Variants in BMPR2 observed in about 807,000 individuals in gnomAD.
The protein encoded by BMPR2 is bone morphogenetic protein receptor type-2.
Under a neutral mutation model 100.8 loss-of-function variants are expected in BMPR2, and 29 were observed. The observed-to-expected ratio is 0.29, with a 90% CI of 0.21 to 0.39. The LOEUF (loss-of-function observed/expected upper bound fraction) is 0.39, where lower values mean the gene tolerates loss of function less well. Among genes scored for constraint, BMPR2 ranks in the 10% least tolerant of loss-of-function variants. The probability of loss-of-function intolerance (pLI) is 1.00; values close to 1 mark genes in which losing one functional copy is unlikely to be tolerated. For synonymous variants in BMPR2, 382 were observed against 442.3 expected (o/e 0.86, Z 1.71); for missense variants, 1,011 against 1,274.5 (o/e 0.79, Z 3.15).
rs1035107077 is a variant in BMPR2, at chr2:202,495,376, CGTT to C, written c.419-18340_419-18338del. On this transcript the variant is annotated intron_variant, in intron 3 of 12. Coordinates refer to ENST00000374580, the MANE Select transcript of BMPR2 (RefSeq NM_001204.7). This position sits in a 1 kb window ranked among gnomAD's most constrained non-coding sequence, Gnocchi z 4.5. ...CGTCTGCCCCAGCCAAACTCCGCGT[CGTT>C]GTCGTTCTGTCGACGGCCTGCCGGC... Among the ~76,000 whole-genome samples, 1 of 152,212 alleles carries C rather than the reference CGTT, an allele frequency of 6.6e-6. No homozygotes were observed. The highest frequency in any genetic ancestry group is 6.5e-5 in the Admixed American group (1 of 15,282).
chr2:202,558,841 C>G (rs778386534), intron 12 of BMPR2, among the ~76,000 whole-genome samples: 7 of 144,198 alleles, frequency 4.9e-5, no homozygotes, highest in African/African-American at 1.8e-4. Flanking sequence ...TGCGGTGAGC[C>G]GAGATCATGT....
intron 1 of BMPR2, among the ~76,000 whole-genome samples, chr2:202,443,475 C>T (rs939982991): frequency 2.0e-5 from 3 of 150,484 alleles, no homozygotes; most frequent in African/African-American, 5.0e-5. Context: ...TATTCACCAA[C>T]ACTTACTTTC....
At chr2:202,492,468 C>T (rs180931952) in intron 3 of BMPR2, among the ~76,000 whole-genome samples, 2 of 151,988 alleles carry the variant, frequency 1.3e-5, no homozygotes, top group East Asian at 1.9e-4. Context: ...GGTAGGCCTA[C>T]GCAGGCAGAT....
chr2:202,390,583 C>T (rs1018924785), intron 1 of BMPR2, among the ~76,000 whole-genome samples: 18 of 152,128 alleles, frequency 1.2e-4, no homozygotes, highest in African/African-American at 2.4e-4. Flanking sequence ...ACACATGCCT[C>T]GGCCTCCCAA....
intron 10 of BMPR2, among the ~76,000 whole-genome samples, chr2:202,544,788 A>T (rs569352959): frequency 9.4e-4 from 106 of 112,896 alleles, no homozygotes; most frequent in Non-Finnish European, 1.5e-3. Context: ...TTTTTGAGAC[A>T]GGATCTTGCT....
intron 1 of BMPR2, among the ~76,000 whole-genome samples, chr2:202,399,619 T>G (rs976006846): frequency 1.3e-5 from 2 of 152,228 alleles, no homozygotes; most frequent in African/African-American, 4.8e-5. Context: ...CACTCTGGTT[T>G]ATCGGTAGAG....
At chr2:202,540,085 A>C (rs916398642) in intron 9 of BMPR2, among the ~76,000 whole-genome samples, 1 of 152,176 alleles carries the variant, frequency 6.6e-6, no homozygotes, top group African/African-American at 2.4e-5. Context: ...GTGAAGATTT[A>C]GTGGAAATTT....
In BMPR2 at chr2:202,519,048, C is replaced by G. The variant is rs1332769297; in HGVS notation, c.848C>G (p.Pro283Arg). ...TATTTGCTTGTGATGGAGTACTATC[C>G]CAATGTAAGTTCTTCATAGAAAATA... ...MEYLLVMEYY[P>R]NGSLCKYLSL... Residue 283 changes from proline (P) to arginine (R), a missense_variant, in exon 6 of 13, where the codon CCC (proline) becomes CGC (arginine). Around this residue, in one of 6 missense-constraint regions of BMPR2, gnomAD observed 355 missense variants for 455.3 expected, o/e 0.78. Transcript: ENST00000374580. 1 of 1,613,144 alleles carries G rather than the reference C, an allele frequency of 6.2e-7. No homozygotes were observed.
chr2:202,491,862 A>C (rs1256741165), intron 3 of BMPR2, among the ~76,000 whole-genome samples: 1 of 152,140 alleles, frequency 6.6e-6, no homozygotes, highest in Non-Finnish European at 1.5e-5. Flanking sequence ...TAAAAAATCA[A>C]ATGTATACAT....
chr2:202,440,136 T>C (rs1691702664), intron 1 of BMPR2, among the ~76,000 whole-genome samples: 1 of 150,740 alleles, frequency 6.6e-6, no homozygotes, highest in Non-Finnish European at 1.5e-5. Context: ...ACAGACACAG[T>C]AACAATCTGA....
intron 11 of BMPR2, 98 bp downstream of exon 11, chr2:202,552,986 C>A: frequency 1.5e-6 from 2 of 1,362,556 alleles, no homozygotes; most frequent in Non-Finnish European, 2.1e-6. Context: ...CCTAATAGTT[C>A]AATGATTACC....
At chr2:202,442,214 C>A (rs1344936423) in intron 1 of BMPR2, among the ~76,000 whole-genome samples, 1 of 150,134 alleles carries the variant, frequency 6.7e-6, no homozygotes, top group Non-Finnish European at 1.5e-5. Context: ...CTTCTATGGT[C>A]CCCCAGCAAG....
At chr2:202,485,545 CTTTTT>C (rs762096820) in intron 3 of BMPR2, among the ~76,000 whole-genome samples, 2 of 64,010 alleles carry the variant, frequency 3.1e-5, no homozygotes, top group Admixed American at 3.1e-4. Context: ...TTGCCTTTAT[CTTTTT>C]TTTTTTTTTT....
At chr2:202,470,916 G>A (rs1692425292) in intron 3 of BMPR2, among the ~76,000 whole-genome samples, 1 of 151,978 alleles carries the variant, frequency 6.6e-6, no homozygotes, top group Non-Finnish European at 1.5e-5. Context: ...TTAAAAAGTA[G>A]CCAGGTGTGG....
intron 9 of BMPR2, among the ~76,000 whole-genome samples, chr2:202,537,526 A>G (rs1218586882): frequency 6.6e-6 from 1 of 152,170 alleles, no homozygotes; most frequent in East Asian, 1.9e-4. Context: ...AAAGAAATGG[A>G]GAGTTACTGT....
At chr2:202,452,177 C>T (rs982634742) in intron 1 of BMPR2, among the ~76,000 whole-genome samples, 13 of 152,070 alleles carry the variant, frequency 8.5e-5, no homozygotes, top group African/African-American at 3.1e-4. Flanking sequence ...TGCCCCTTGC[C>T]CTTAGCACCA....
chr2:202,564,089 C>T lies in BMPR2; in HGVS notation c.*4143C>T, dbSNP rs1574511415. 4 of 152,112 alleles carry T rather than the reference C, an allele frequency of 2.6e-5. No homozygotes were observed. The South Asian group carries it at 6.2e-4, about 24-fold the overall frequency. 9.4% of individuals were successfully genotyped at this position (152,112 alleles called of 1,614,324 possible). ...TATTTTCAAATTTGACTTCTACAGCCAAGTGGAATTGGTAGGCTGTAGCTG... is the reference window on the plus strand; with the variant it reads ...TATTTTCAAATTTGACTTCTACAGCTAAGTGGAATTGGTAGGCTGTAGCTG... On this transcript the variant is annotated 3_prime_UTR_variant, in exon 13 of 13. Transcript: ENST00000374580.
chr2:202,539,665 G>C (rs950036040), intron 9 of BMPR2, among the ~76,000 whole-genome samples: 2 of 151,956 alleles, frequency 1.3e-5, no homozygotes, highest in African/African-American at 4.8e-5. Context: ...CAGAGGAAGA[G>C]TGAAATGCTA....
chr2:202,398,917 T>C (rs530456453), intron 1 of BMPR2, among the ~76,000 whole-genome samples: 1 of 151,968 alleles, frequency 6.6e-6, no homozygotes, highest in African/African-American at 2.4e-5. Context: ...TCACCTGAAG[T>C]TGGGAGTTCG....
Sources: gnomAD v4.1 joint callset for allele counts (sites outside exome capture counted in the v4.1 genomes callset) on GRCh38, gnomAD v4.1.1 for gene constraint, gnomAD v4.1.1 regional missense constraint, Gnocchi (gnomAD v3.1) non-coding constraint, MANE v1.5 for transcripts, NCBI Gene and HGNC (gene_info 2026-07-23, HGNC 2026-07-21) for gene names.